ADGRE3: variants seen among roughly 807,000 people sequenced by gnomAD.
ADGRE3 encodes EGF-like module receptor 3.
In ADGRE3, 88 loss-of-function variants were observed where a neutral mutation model predicts 80.1. The observed-to-expected ratio is 1.10, with a 90% CI of 0.93 to 1.31. ADGRE3 has a LOEUF of 1.31. ADGRE3 is among the 40% of genes most tolerant of loss of function. The pLI, the probability that ADGRE3 is intolerant of heterozygous loss-of-function variation, is 0.00. For missense variants in ADGRE3, 715 were observed against 776.5 expected, an observed-to-expected ratio of 0.92 and a Z score of 0.94; for synonymous variants, 281 against 294.8, an observed-to-expected ratio of 0.95 and a Z score of 0.48.
chr19:14,608,893 G>A, the ADGRE3 span, among the ~76,000 whole-genome samples: 2 of 151,018 alleles, frequency 1.3e-5, no homozygotes, highest in East Asian at 3.9e-4. Context: ...TCTGCCTCCT[G>A]GATTCAAGCG....
At chr19:14,626,727 T>A (rs1970746204) in intron 14 of ADGRE3, among the ~76,000 whole-genome samples, 1 of 152,134 alleles carries the variant, frequency 6.6e-6, no homozygotes, top group South Asian at 2.1e-4. Flanking sequence ...ATAATTAAGG[T>A]TATTTCCACT....
intron 6 of ADGRE3, among the ~76,000 whole-genome samples, chr19:14,654,162 A>G (rs1219842154): frequency 5.9e-5 from 9 of 151,886 alleles, no homozygotes; most frequent in Non-Finnish European, 1.0e-4. Context: ...CATGTTGCCC[A>G]GGCTGATCTC....
At chr19:14,624,435 T>C (rs1026058352) in intron 15 of ADGRE3, among the ~76,000 whole-genome samples, 19 of 151,998 alleles carry the variant, frequency 1.3e-4, no homozygotes, top group African/African-American at 4.1e-4. Context: ...ATTGTGGAAA[T>C]TGAATAACAT....
chr19:14,607,428 C>T, the ADGRE3 span, among the ~76,000 whole-genome samples: 1 of 151,780 alleles, frequency 6.6e-6, no homozygotes, highest in African/African-American at 2.4e-5. Flanking sequence ...TGGTCTTGAT[C>T]TCCTGACCTC....
chr19:14,649,500 C>T (rs1212014449), intron 7 of ADGRE3, among the ~76,000 whole-genome samples: 1 of 151,180 alleles, frequency 6.6e-6, no homozygotes, highest in Admixed American at 6.6e-5. Flanking sequence ...CTCTCCATCT[C>T]TCTTTTTCCA....
chr19:14,603,850 A>T, the ADGRE3 span, among the ~76,000 whole-genome samples: 1 of 152,132 alleles, frequency 6.6e-6, no homozygotes, highest in Non-Finnish European at 1.5e-5. Flanking sequence ...CATATTGGGG[A>T]TCCAGTGATG....
At chr19:14,628,298 C>T (rs1175686481) in intron 14 of ADGRE3, among the ~76,000 whole-genome samples, 2 of 150,806 alleles carry the variant, frequency 1.3e-5, no homozygotes, top group Non-Finnish European at 3.0e-5. Flanking sequence ...AAAAATTAGC[C>T]AGGCATGGTG....
Position 14,644,182 on chromosome 19 carries a change from C to T in ADGRE3, c.976G>A (p.Val326Met), listed in dbSNP as rs146634810. ...WSRDGCFLIH[V>M]NKSHTMCNCS... ...TTACACATGGTGTGACTCTTGTTCA[C>T]GTGTATCAGGAAGCAGCCATCCCTG... Residue 326 changes from valine (V) to methionine (M), a missense_variant, in exon 9 of 16, where the codon GTG becomes ATG. Transcript: ENST00000253673. 5.2e-5 allele frequency: 84 copies of T among 1,609,338 alleles called. No individual in the cohort carries two copies. The highest frequency in any genetic ancestry group is 6.4e-5 in the Non-Finnish European group (75 of 1,177,938).
chr19:14,618,732 T>C (rs538602692), downstream of ADGRE3, among the ~76,000 whole-genome samples: 3 of 149,204 alleles, frequency 2.0e-5, no homozygotes, highest in Admixed American at 1.4e-4. Context: ...GGTCCATACC[T>C]GTAACGCCAG....
At chr19:14,656,971 C>T (rs1406537335) in intron 5 of ADGRE3, among the ~76,000 whole-genome samples, 1 of 152,196 alleles carries the variant, frequency 6.6e-6, no homozygotes, top group Non-Finnish European at 1.5e-5. Flanking sequence ...TCTCAGCTCA[C>T]TGCAACCTCT....
chr19:14,630,105 G>C lies in ADGRE3; in HGVS notation c.1746C>G (p.Leu582=). Residue 582 remains leucine, a synonymous_variant, in exon 14 of 16, where the codon CTC becomes CTG. Coordinates refer to ENST00000253673, the MANE Select transcript of ADGRE3 (RefSeq NM_032571.5). ...CTTGGAGGCTGTTGATGATGGTGAA[G>C]AGGTAGGCCATGACCTGGGCAGCTG... The part of the protein sequence containing the change: ...VGPAAQVMAY[L]FTIINSLQGF... 1 of 1,613,000 alleles carries C rather than the reference G, an allele frequency of 6.2e-7. No homozygotes were observed.
intron 14 of ADGRE3, among the ~76,000 whole-genome samples, chr19:14,626,179 G>A (rs1224511288): frequency 1.3e-5 from 2 of 152,114 alleles, no homozygotes; most frequent in African/African-American, 4.8e-5. Flanking sequence ...GCTCACACCT[G>A]TAATCCCACC....
intron 8 of ADGRE3, among the ~76,000 whole-genome samples, chr19:14,646,361 AC>A (rs1971397966): frequency 6.6e-6 from 1 of 151,846 alleles, no homozygotes; most frequent in Admixed American, 6.6e-5. Context: ...TGATCCCCCC[AC>A]CTTGGCCTCC....
In ADGRE3 at chr19:14,638,116, T is replaced by A. The variant is rs1568482691; in HGVS notation, c.1473A>T (p.Gly491=). ...ISAASWPHLY[G]TADRCWLHLD... is the part of the protein sequence containing the mutation. ...GGATTCAAGCTCACCGATCAGCAGT[T>A]CCATAAAGGTGAGGCCAGGAGGCTG... Residue 491 remains glycine (G), a synonymous_variant, in exon 11 of 16, where the codon GGA becomes GGT. Coordinates refer to ENST00000253673, the MANE Select transcript of ADGRE3 (RefSeq NM_032571.5). The A allele has an allele frequency of 6.2e-7, 1 of 1,613,434 alleles. No homozygotes were observed. Among genetic ancestry groups the A allele is most frequent in the East Asian group, 2.2e-5 (1 of 44,866 alleles).
intron 2 of ADGRE3, among the ~76,000 whole-genome samples, chr19:14,663,793 T>C (rs111719487): frequency 0.05 from 7,533 of 151,414 alleles, 211 homozygotes; most frequent in East Asian, 0.1. Context: ...GAGCCGAGAT[T>C]GTGCCACTGC....
At chr19:14,607,035 C>A in the ADGRE3 span, 1 of 1,340,988 alleles carries the variant, frequency 7.5e-7, no homozygotes. Context: ...GGTGTACTGG[C>A]TGGGGCTGAA....
At chr19:14,646,208 C>T (rs990594332) in intron 8 of ADGRE3, among the ~76,000 whole-genome samples, 4 of 152,094 alleles carry the variant, frequency 2.6e-5, no homozygotes, top group Non-Finnish European at 5.9e-5. Context: ...CCGCAACCTC[C>T]GCCTCCTGGG....
At chr19:14,654,913 TAA>T in intron 6 of ADGRE3, 67 bp downstream of exon 6, 3 of 1,281,874 alleles carry the variant, frequency 2.3e-6, no homozygotes, top group Admixed American at 2.4e-5. Flanking sequence ...TTTTTTTTTC[TAA>T]TTGCCTAACC....
chr19:14,646,235 G>T (rs1179429690), intron 8 of ADGRE3, among the ~76,000 whole-genome samples: 1 of 152,026 alleles, frequency 6.6e-6, no homozygotes, highest in Non-Finnish European at 1.5e-5. Context: ...AGATTCTCCT[G>T]CCTCACCCTC....
Sources: gnomAD v4.1 joint callset for allele counts (sites outside exome capture counted in the v4.1 genomes callset) on GRCh38, gnomAD v4.1.1 for gene constraint, MANE v1.5 for transcripts, NCBI Gene and HGNC (gene_info 2026-07-23, HGNC 2026-07-21) for gene names.